The following UBXN6 variants were observed in gnomAD, a reference collection of about 807,000 sequenced individuals.
The protein encoded by UBXN6 is UBX domain-containing protein 6.
UBXN6 carries 44 observed loss-of-function variants against 51.4 expected under a neutral mutation model. That is an observed-to-expected ratio of 0.86 (90% CI 0.67 to 1.10). The LOEUF is 1.10. Among genes scored for constraint, UBXN6 ranks in the 50% least tolerant of loss-of-function variants. The probability of loss-of-function intolerance (pLI) is 0.00; values close to 1 mark genes in which losing one functional copy is unlikely to be tolerated. For synonymous variants in UBXN6, 316 were observed against 263.2 expected (o/e 1.20, Z -1.94); for missense variants, 672 against 596.1 (o/e 1.13, Z -1.32).
rs1458421353 is a variant in UBXN6 at position 4,445,326 on chromosome 19, G to C, written c.*172C>G. The stretch of plus-strand genomic sequence containing the variant: ...GCATCCCCACAGCCCCCAAGGGATG[G>C]GGGCTCTGCCACGGGGCCCAATTCC... On this transcript the variant is annotated 3_prime_UTR_variant, in exon 11 of 11. Transcript: ENST00000301281. The C allele has an allele frequency of 1.7e-6, 2 of 1,143,476 alleles. No individual in the cohort carries two copies. The highest frequency in any genetic ancestry group is 2.4e-5 in the East Asian group (1 of 41,494). 70.8% of individuals were successfully genotyped at this position (1,143,476 alleles called of 1,614,324 possible).
intron 4 of UBXN6, chr19:4,448,689 G>C: frequency 2.0e-6 from 1 of 494,210 alleles, no homozygotes; most frequent in South Asian, 2.2e-5. Flanking sequence ...AAGCCAGTGT[G>C]ACGCGACAGA....
intron 1 of UBXN6, among the ~76,000 whole-genome samples, chr19:4,454,461 C>T (rs1974709373): frequency 6.6e-6 from 1 of 152,192 alleles, no homozygotes; most frequent in Non-Finnish European, 1.5e-5. Context: ...CTTGCTCTCT[C>T]ACCAAGGCTG....
chr19:4,448,193 G>A, intron 5 of UBXN6, 125 bp downstream of exon 5: 5 of 857,314 alleles, frequency 5.8e-6, no homozygotes, highest in Non-Finnish European at 9.2e-6. Context: ...CTCACTCTCG[G>A]CCTATGCTCC....
At chr19:4,448,441 C>A in intron 4 of UBXN6, 26 bp from the exon 5 acceptor site, 1 of 1,582,680 alleles carries the variant, frequency 6.3e-7, no homozygotes, top group Non-Finnish European at 8.6e-7. Flanking sequence ...CAGGGAAAGC[C>A]ACTCACTGAG....
At chr19:4,449,769 A>G (rs1022149279) in intron 4 of UBXN6, 1 of 152,256 alleles carries the variant, frequency 6.6e-6, no homozygotes, top group African/African-American at 2.4e-5. Context: ...CACAGCTGTA[A>G]GCAAAAGACA....
intron 4 of UBXN6, 163 bp from the exon 5 acceptor site, chr19:4,448,578 G>T (rs564672174): frequency 3.1e-6 from 2 of 644,234 alleles, no homozygotes; most frequent in South Asian, 1.9e-5. Context: ...CTCCAAGACC[G>T]CAGCCCTGCC....
intron 6 of UBXN6, 76 bp downstream of exon 6, chr19:4,447,474 T>A (rs1366806015): frequency 1.3e-6 from 2 of 1,534,768 alleles, no homozygotes; most frequent in Admixed American, 3.4e-5. Flanking sequence ...CCGCCTGGTG[T>A]GGGCCACCAC....
intron 1 of UBXN6, among the ~76,000 whole-genome samples, chr19:4,454,367 A>T (rs1197028340): frequency 6.6e-6 from 1 of 152,096 alleles, no homozygotes; most frequent in African/African-American, 2.4e-5. Context: ...CAGCGTCCTC[A>T]TCTGTAAAAT....
chr19:4,457,825 T>G (rs1420510676), upstream of UBXN6: 3 of 482,548 alleles, frequency 6.2e-6, no homozygotes, highest in Non-Finnish European at 9.3e-6. Context: ...AAAAAAAAAT[T>G]TACCTCGCCG....
intron 2 of UBXN6, 33 bp downstream of exon 2, chr19:4,453,897 C>T: frequency 6.3e-7 from 1 of 1,599,056 alleles, no homozygotes; most frequent in Non-Finnish European, 8.5e-7. Context: ...CTCAAACAGC[C>T]CCAACCTGGG....
chr19:4,454,153 TGCAGTCACACAGAGGA>T, intron 1 of UBXN6, 60 bp from the exon 2 acceptor site: 1 of 1,467,718 alleles, frequency 6.8e-7, no homozygotes, highest in Non-Finnish European at 9.0e-7. Flanking sequence ...AAAGCTGACG[TGCAGTCACACAGAGGA>T]GCTTCTGCCC....
intron 6 of UBXN6, 183 bp downstream of exon 6, chr19:4,447,367 A>G: frequency 1.6e-6 from 1 of 631,898 alleles, no homozygotes; most frequent in Non-Finnish European, 2.8e-6. Flanking sequence ...TGACCGGTGC[A>G]TAAAAGTCTT....
At position 4,454,101 on chromosome 19, in the gene UBXN6, C is replaced by G; in HGVS notation, c.84-8G>C. On this transcript the variant is annotated splice_polypyrimidine_tract_variant and splice_region_variant and intron_variant, in intron 1 of 10. Transcript: ENST00000301281. ...TCTTTGTGGGCCTTTTCCCTGGGAACAGACCGAGGGAGAGTGAGTGTATCC... is the reference window on the plus strand; with the variant it reads ...TCTTTGTGGGCCTTTTCCCTGGGAAGAGACCGAGGGAGAGTGAGTGTATCC... 6.5e-7 allele frequency: 1 copy of G among 1,538,798 alleles called. No homozygotes were observed. The highest frequency in any genetic ancestry group is 8.7e-7 in the Non-Finnish European group (1 of 1,148,122).
At chr19:4,445,989 G>A (rs762277377) in intron 10 of UBXN6, 60 bp downstream of exon 10, 52 of 1,538,594 alleles carry the variant, frequency 3.4e-5, no homozygotes, top group African/African-American at 2.9e-4. Flanking sequence ...TGTCTGTGCC[G>A]GTCCCAGGAG....
Position 4,448,338 on chromosome 19 carries a change from C to A in UBXN6, c.519G>T (p.Leu173=), listed in dbSNP as rs764193289. ...CTCACTTGGCAATGGTGTCCACACC[C>A]AGCTTCACCCGGTCCTGGTCTTTGT... The part of the protein sequence containing the change: ...TFNKDQDRVK[L]GVDTIAKYLD... The change falls in exon 5 of 11, where the codon CTG becomes CTT. Residue 173 remains leucine, a synonymous_variant. Coordinates refer to ENST00000301281, the MANE Select transcript of UBXN6 (RefSeq NM_025241.3). 2.5e-6 allele frequency: 4 copies of A among 1,608,934 alleles called. No homozygotes were observed. In the Admixed American group the frequency reaches 6.7e-5, roughly 27 times the overall value.
At position 4,445,482 on chromosome 19, in the gene UBXN6, C is replaced by CA. The variant is rs766689960; in HGVS notation, c.*15dup. The CA allele has an allele frequency of 3.7e-6, 6 of 1,613,518 alleles. No individual in the cohort carries two copies. The Admixed American group carries it at 1.0e-4, about 27-fold the overall frequency. ...TGAGACAGACCCACAGGGCTGAGGCCAACCCTGCTTTTATTTCACAAGAGC... is the reference window on the plus strand; with the variant it reads ...TGAGACAGACCCACAGGGCTGAGGCCAAACCCTGCTTTTATTTCACAAGAGC... On this transcript the variant is annotated 3_prime_UTR_variant, in exon 11 of 11. Coordinates refer to ENST00000301281, the MANE Select transcript of UBXN6 (RefSeq NM_025241.3).
chr19:4,456,549 G>A (rs529445386), intron 1 of UBXN6, among the ~76,000 whole-genome samples: 3 of 152,046 alleles, frequency 2.0e-5, no homozygotes, highest in Non-Finnish European at 4.4e-5. Flanking sequence ...TCCCTGCAGC[G>A]GCCCCAGCTC....
intron 1 of UBXN6, among the ~76,000 whole-genome samples, chr19:4,455,848 C>T (rs1483033920): frequency 6.6e-6 from 1 of 152,088 alleles, no homozygotes; most frequent in African/African-American, 2.4e-5. Flanking sequence ...CTGGGAGAGG[C>T]CTTCCCAAAC....
In UBXN6 at chr19:4,445,394, GC is replaced by G; in HGVS notation, c.*103del. ...GCCCCTCCCGTGCCCATGGGGCAGA[GC>G]CAAGTATTTCCAGAGGTGGCTTGGA... On this transcript the variant is annotated 3_prime_UTR_variant, in exon 11 of 11. Transcript: ENST00000301281. 1 of 1,558,772 alleles carries G rather than the reference GC, an allele frequency of 6.4e-7. No individual in the cohort carries two copies. Among genetic ancestry groups the G allele is most frequent in the Non-Finnish European group, 8.7e-7 (1 of 1,147,486 alleles).
Sources: allele counts gnomAD v4.1 joint callset (sites outside exome capture counted in the v4.1 genomes callset), GRCh38; gene constraint gnomAD v4.1.1; transcripts MANE v1.5; gene names NCBI Gene and HGNC (gene_info 2026-07-23, HGNC 2026-07-21).